The following NBEA variants were observed in gnomAD, a reference collection of about 807,000 sequenced individuals.
NBEA encodes neurobeachin.
A neutral mutation model predicts 343.4 loss-of-function variants in NBEA; 44 were observed. The ratio of observed to expected loss-of-function variants is 0.13; its 90% CI spans 0.10 to 0.16. The LOEUF (loss-of-function observed/expected upper bound fraction) is 0.16. Among genes scored for constraint, NBEA ranks in the 10% least tolerant of loss-of-function variants. NBEA has a pLI of 1.00. For missense variants in NBEA, 2,555 were observed against 3,631.3 expected, an observed-to-expected ratio of 0.70 and a Z score of 7.62; for synonymous variants, 1,175 against 1,238.7, an observed-to-expected ratio of 0.95 and a Z score of 1.08.
chr13:35,660,768 A>G (rs1393668225), intron 55 of NBEA, among the ~76,000 whole-genome samples: 1 of 152,230 alleles, frequency 6.6e-6, no homozygotes, highest in African/African-American at 2.4e-5. Context: ...GCCGATGGAT[A>G]GCCCAGAGAG....
intron 30 of NBEA, among the ~76,000 whole-genome samples, chr13:35,187,219 A>G (rs1012270738): frequency 3.3e-5 from 5 of 151,778 alleles, no homozygotes; most frequent in African/African-American, 1.2e-4. Flanking sequence ...GCTCCTTCAC[A>G]CCCCACTCCC....
At chr13:35,353,623 C>A in intron 38 of NBEA, among the ~76,000 whole-genome samples, 1 of 151,876 alleles carries the variant, frequency 6.6e-6, no homozygotes, top group Non-Finnish European at 1.5e-5. Flanking sequence ...TAGCAATAAC[C>A]CATGGCCTCT....
At chr13:35,481,996 A>G (rs17816432) in intron 41 of NBEA, among the ~76,000 whole-genome samples, 4,497 of 151,900 alleles carry the variant, frequency 0.03, 117 homozygotes, top group Non-Finnish European at 0.046. Context: ...TTCATACTGT[A>G]TGTGATTAAG....
At chr13:35,074,837 G>T (rs888738469) in intron 10 of NBEA, among the ~76,000 whole-genome samples, 3 of 152,126 alleles carry the variant, frequency 2.0e-5, no homozygotes, top group East Asian at 1.9e-4. Flanking sequence ...TGGCTAAAAC[G>T]TACTAATTAT....
At chr13:35,229,955 T>A (rs1402682621) in intron 33 of NBEA, among the ~76,000 whole-genome samples, 3 of 152,148 alleles carry the variant, frequency 2.0e-5, no homozygotes, top group Non-Finnish European at 4.4e-5. Context: ...CTGTTGTAAT[T>A]CCAGCAGAAT....
intron 38 of NBEA, among the ~76,000 whole-genome samples, chr13:35,399,426 G>A (rs1293843043): frequency 1.3e-5 from 2 of 151,878 alleles, no homozygotes; most frequent in African/African-American, 2.4e-5. Flanking sequence ...CAAGGCAGCA[G>A]GAGAGAGAGA....
chr13:35,015,394 A>G (rs1204931990), intron 1 of NBEA, among the ~76,000 whole-genome samples: 2 of 152,100 alleles, frequency 1.3e-5, no homozygotes, highest in African/African-American at 4.8e-5. Flanking sequence ...GTGGTGACAT[A>G]GGAAGATGGG....
In NBEA at chr13:35,159,168, A is replaced by C. The variant is rs755925550; in HGVS notation, c.2997A>C (p.Glu999Asp). ...CAACAGGAGCAAAAGGTGGAATGGA[A>C]ATTCGAGAGATAGAAGATCTTTCAC... ...SQTTGAKGGMEIREIEDLSQS... is the reference protein window; with the variant it reads ...SQTTGAKGGMDIREIEDLSQS... Residue 999 changes from glutamate to aspartate, a missense_variant, in exon 22 of 59, where the codon GAA (glutamate) becomes GAC (aspartate). Around this residue, in one of 21 missense-constraint regions of NBEA, gnomAD observed 367 missense variants for 377.5 expected, o/e 0.97. Transcript: ENST00000379939. 6.2e-7 allele frequency: 1 copy of C among 1,613,612 alleles called. No homozygotes were observed. The highest frequency in any genetic ancestry group is 8.5e-7 in the Non-Finnish European group (1 of 1,179,640).
intron 1 of NBEA, among the ~76,000 whole-genome samples, chr13:34,962,025 A>G (rs2059675520): frequency 6.6e-6 from 1 of 152,078 alleles, no homozygotes; most frequent in Non-Finnish European, 1.5e-5. Context: ...ATATTTGGGT[A>G]TATGTACTGA....
intron 1 of NBEA, among the ~76,000 whole-genome samples, chr13:34,991,125 A>G (rs1237989722): frequency 1.3e-5 from 2 of 152,188 alleles, no homozygotes; most frequent in Admixed American, 1.3e-4. Context: ...AGAAAGTTCC[A>G]AACCTTCCTT....
At chr13:35,276,837 C>G (rs2034619138) in intron 34 of NBEA, among the ~76,000 whole-genome samples, 1 of 152,178 alleles carries the variant, frequency 6.6e-6, no homozygotes, top group African/African-American at 2.4e-5. Context: ...TGCCCATCCT[C>G]AGGTTGCTCT....
At chr13:35,135,501 G>A (rs2067667100) in intron 17 of NBEA, among the ~76,000 whole-genome samples, 1 of 151,674 alleles carries the variant, frequency 6.6e-6, no homozygotes, top group Non-Finnish European at 1.5e-5. Flanking sequence ...TACATTAATG[G>A]GAAGACTCAA....
chr13:35,642,537 C>T (rs1007098775), intron 49 of NBEA, among the ~76,000 whole-genome samples: 15 of 152,010 alleles, frequency 9.9e-5, no homozygotes, highest in African/African-American at 3.1e-4. Context: ...TCTTGTAATA[C>T]AAATTAAAGT....
chr13:35,521,242 T>C (rs116356921), intron 41 of NBEA, among the ~76,000 whole-genome samples: 65 of 152,300 alleles, frequency 4.3e-4, no homozygotes, highest in African/African-American at 1.6e-3. Context: ...GTTTTACATC[T>C]GGTTATTGTT....
chr13:35,427,406 C>G (rs1217651846), intron 38 of NBEA, among the ~76,000 whole-genome samples: 3 of 152,148 alleles, frequency 2.0e-5, no homozygotes, highest in Non-Finnish European at 4.4e-5. Context: ...CACCCCAGAC[C>G]CTGTTTGCCT....
chr13:35,006,010 G>A (rs994316929), intron 1 of NBEA, among the ~76,000 whole-genome samples: 4 of 152,024 alleles, frequency 2.6e-5, no homozygotes, highest in Non-Finnish European at 5.9e-5. Flanking sequence ...GCTGCATGTG[G>A]TTGATCTTTT....
chr13:35,359,832 ATGTGTGTGTGTGTGTGTG>A (rs60793996), intron 38 of NBEA, among the ~76,000 whole-genome samples: 1 of 144,562 alleles, frequency 6.9e-6, no homozygotes, highest in Admixed American at 6.9e-5. Flanking sequence ...GTGTGTGTGT[ATGTGTGTGTGTGTGTGTG>A]TGTGTGTGTG....
chr13:35,581,452 C>G lies in NBEA; in HGVS notation c.7036-2446C>G, dbSNP rs540578478. Among the ~76,000 whole-genome samples the G allele has an allele frequency of 1.3e-4, 20 of 151,914 alleles. No homozygotes were observed. The South Asian group carries it at 4.2e-3, about 32-fold the overall frequency. On this transcript the variant is annotated intron_variant, in intron 45 of 58. Transcript: ENST00000379939. ...GAAGTGTCTGTTCATGTCCTTCGCC[C>G]ACTTTTTGATGGTGTTGTTTGTTTT...
chr13:34,979,840 A>G (rs894219703), intron 1 of NBEA, among the ~76,000 whole-genome samples: 3 of 152,104 alleles, frequency 2.0e-5, no homozygotes, highest in Non-Finnish European at 4.4e-5. Context: ...TAGAGGCTTT[A>G]TAGTTTTAAT....
Sources: gnomAD v4.1 joint callset for allele counts (sites outside exome capture counted in the v4.1 genomes callset) on GRCh38, gnomAD v4.1.1 for gene constraint, gnomAD v4.1.1 regional missense constraint, MANE v1.5 for transcripts, NCBI Gene and HGNC (gene_info 2026-07-23, HGNC 2026-07-21) for gene names.